NRG1: variants seen among roughly 807,000 people sequenced by gnomAD.
NRG1 encodes pro-neuregulin-1, membrane-bound isoform.
In NRG1, 18 loss-of-function variants were observed where a neutral mutation model predicts 63.8. The ratio of observed to expected loss-of-function variants is 0.28; its 90% CI spans 0.19 to 0.42. The LOEUF (loss-of-function observed/expected upper bound fraction) is 0.42. Ranked by LOEUF, NRG1 falls within the 10% of genes least tolerant of loss-of-function variation. The probability of loss-of-function intolerance (pLI) is 1.00; values close to 1 mark genes in which losing one functional copy is unlikely to be tolerated. For synonymous variants in NRG1, 302 were observed against 301.3 expected, an observed-to-expected ratio of 1.00 and a Z score of -0.02; for missense variants, 762 against 814.7, an observed-to-expected ratio of 0.94 and a Z score of 0.79.
At chr8:31,809,334 C>G (rs1415357380) in intron 1 of NRG1, among the ~76,000 whole-genome samples, 1 of 126,130 alleles carries the variant, frequency 7.9e-6, no homozygotes, top group Admixed American at 8.5e-5. Context: ...CTCTCTCTCT[C>G]CATATATATA....
chr8:32,487,883 A>G (rs1826097103), intron 1 of NRG1, among the ~76,000 whole-genome samples: 2 of 152,180 alleles, frequency 1.3e-5, no homozygotes, highest in South Asian at 4.1e-4. Context: ...GAGTGAGGTA[A>G]ATTTACATGC....
At chr8:32,144,736 A>G (rs1335673062) in intron 1 of NRG1, among the ~76,000 whole-genome samples, 1 of 152,192 alleles carries the variant, frequency 6.6e-6, no homozygotes, top group Non-Finnish European at 1.5e-5. Flanking sequence ...GCTCGCTTAA[A>G]CAAGTTCATT....
rs111645883 is a variant in NRG1 at position 32,680,869 on chromosome 8, G to A, written c.503-47080G>A. The stretch of plus-strand genomic sequence containing the variant: ...CAGTATATTTAGTGAATGAATGAAT[G>A]ACCTAGGTATTTTTTTTTACTCTTC... On this transcript the variant is annotated intron_variant, in intron 5 of 11. Coordinates refer to ENST00000356819, the Ensembl canonical transcript of NRG1. 9.8e-3 allele frequency among the ~76,000 whole-genome samples: 1,494 copies of A among 152,090 alleles called. 11 individuals carry two copies. The highest frequency in any genetic ancestry group is 0.016 in the Non-Finnish European group (1,072 of 67,974).
chr8:31,761,190 A>C (rs1436100046), intron 1 of NRG1, among the ~76,000 whole-genome samples: 1 of 152,136 alleles, frequency 6.6e-6, no homozygotes, highest in East Asian at 1.9e-4. Context: ...TTCTCAGTAA[A>C]CTATCCCAAG....
intron 1 of NRG1, among the ~76,000 whole-genome samples, chr8:32,153,273 C>T (rs913734591): frequency 6.6e-5 from 10 of 152,144 alleles, no homozygotes; most frequent in Admixed American, 3.9e-4. Context: ...CCAGGAGGTC[C>T]ATACTCTTGA....
intron 1 of NRG1, among the ~76,000 whole-genome samples, chr8:32,216,197 TATAAC>T (rs1210693801): frequency 6.6e-6 from 1 of 150,456 alleles, no homozygotes; most frequent in Non-Finnish European, 1.5e-5. Flanking sequence ...ATTGTGTTAT[TATAAC>T]ATATTATATA....
In NRG1 at chr8:32,503,738, A is replaced by C. The variant is rs577612915; in HGVS notation, c.38-92090A>C. 8.5e-5 allele frequency among the ~76,000 whole-genome samples: 13 copies of C among 152,330 alleles called. 1 individual carries two copies. The highest frequency in any genetic ancestry group is 2.2e-4 in the African/African-American group (9 of 41,572). On this transcript the variant is annotated intron_variant, in intron 1 of 10. Coordinates refer to the NRG1 transcript ENST00000519301. Reference sequence around the variant, plus strand: ...CATCCTTACATCTTGCCTCCTTAGAAGAAAGAGTTCAGCTGACGGACATAC... The same window carrying C: ...CATCCTTACATCTTGCCTCCTTAGACGAAAGAGTTCAGCTGACGGACATAC...
intron 1 of NRG1, among the ~76,000 whole-genome samples, chr8:32,397,386 C>T (rs1490978143): frequency 1.3e-5 from 2 of 151,984 alleles, no homozygotes; most frequent in Non-Finnish European, 2.9e-5. Context: ...TGTATAAAAA[C>T]TTGGTGCCTT....
intron 1 of NRG1, chr8:32,026,206 C>T: frequency 6.6e-6 from 1 of 151,634 alleles, no homozygotes; most frequent in Non-Finnish European, 1.5e-5. Flanking sequence ...GTAGCCGGGA[C>T]TACAGGCGCC....
intron 5 of NRG1, among the ~76,000 whole-genome samples, chr8:32,706,247 G>T (rs1182338353): frequency 2.6e-5 from 4 of 152,148 alleles, no homozygotes; most frequent in African/African-American, 9.7e-5. Context: ...CTTTACGGAG[G>T]ATTTTCAAAT....
At chr8:32,598,282 A>G (rs114062424) in intron 2 of NRG1, among the ~76,000 whole-genome samples, 1 of 152,248 alleles carries the variant, frequency 6.6e-6, no homozygotes, top group African/African-American at 2.4e-5. Flanking sequence ...CATCTAGAAG[A>G]AAGCATCTCA....
At chr8:32,058,687 C>T (rs1484732425) in intron 1 of NRG1, among the ~76,000 whole-genome samples, 1 of 152,024 alleles carries the variant, frequency 6.6e-6, no homozygotes, top group Non-Finnish European at 1.5e-5. Context: ...GGATTTTGCT[C>T]ATTTATACTT....
chr8:32,037,567 C>T (rs1034076922), intron 1 of NRG1, among the ~76,000 whole-genome samples: 5 of 152,216 alleles, frequency 3.3e-5, no homozygotes, highest in African/African-American at 1.2e-4. Context: ...AGCCGCCCCT[C>T]CTCCTATGGG....
intron 1 of NRG1, among the ~76,000 whole-genome samples, chr8:32,092,476 A>G (rs1238596088): frequency 1.3e-5 from 2 of 150,538 alleles, no homozygotes; most frequent in African/African-American, 2.4e-5. Flanking sequence ...AAAAAAAAAA[A>G]AAAGAAAAAG....
chr8:32,723,809 G>A (rs1442476417), intron 5 of NRG1, among the ~76,000 whole-genome samples: 1 of 151,528 alleles, frequency 6.6e-6, no homozygotes, highest in Non-Finnish European at 1.5e-5. Flanking sequence ...GGAGGGGCAG[G>A]CTGAAAGGAA....
At chr8:32,388,273 A>G (rs963861314) in intron 1 of NRG1, among the ~76,000 whole-genome samples, 2 of 152,224 alleles carry the variant, frequency 1.3e-5, no homozygotes, top group African/African-American at 4.8e-5. Flanking sequence ...CTCTGTTGAC[A>G]TAAGTAATTA....
intron 1 of NRG1, among the ~76,000 whole-genome samples, chr8:31,687,161 T>G (rs1808984025): frequency 6.6e-6 from 1 of 152,168 alleles, no homozygotes; most frequent in African/African-American, 2.4e-5. Flanking sequence ...AACAACTAAA[T>G]GCATCGACTA....
chr8:31,643,098 AAGAG>A (rs144175051), intron 1 of NRG1, among the ~76,000 whole-genome samples: 6 of 151,382 alleles, frequency 4.0e-5, no homozygotes, highest in African/African-American at 1.5e-4. Flanking sequence ...AAAAATGGAA[AAGAG>A]AGAGAGAGAG....
At position 32,334,499 on chromosome 8, in the gene NRG1, A is replaced by T. The variant is rs769294618; in HGVS notation, c.38-261329A>T. Among the ~76,000 whole-genome samples the T allele has an allele frequency of 3.5e-4, 54 of 152,188 alleles. 1 individual carries two copies. Among genetic ancestry groups the T allele is most frequent in the Admixed American group, 7.2e-4 (11 of 15,278 alleles). ...AGGTTTGCCATTATTACTATAAGGA[A>T]GTCCCAGCTCAGATGATTCATAGTT... On this transcript the variant is annotated intron_variant, in intron 1 of 10. Coordinates refer to the NRG1 transcript ENST00000519301.
Sources: allele counts gnomAD v4.1 joint callset (sites outside exome capture counted in the v4.1 genomes callset), GRCh38; gene constraint gnomAD v4.1.1; transcripts MANE v1.5; gene names NCBI Gene and HGNC (gene_info 2026-07-23, HGNC 2026-07-21).